Variants in EYA4 observed in about 807,000 individuals in gnomAD.
The protein encoded by EYA4 is EYA transcriptional coactivator and phosphatase 4.
EYA4 carries 31 observed loss-of-function variants against 87.9 expected under a neutral mutation model. The observed-to-expected ratio is 0.35, with a 90% CI of 0.27 to 0.48. The LOEUF is 0.48. Ranked by LOEUF, EYA4 falls within the 20% of genes least tolerant of loss-of-function variation. The pLI is 0.99. For synonymous variants in EYA4, 263 were observed against 270.6 expected, an observed-to-expected ratio of 0.97 and a Z score of 0.28; for missense variants, 678 against 761.4, an observed-to-expected ratio of 0.89 and a Z score of 1.29.
At chr6:133,332,671 G>A (rs1405740839) in intron 2 of EYA4, among the ~76,000 whole-genome samples, 3 of 150,264 alleles carry the variant, frequency 2.0e-5, no homozygotes, top group African/African-American at 4.9e-5. Context: ...AGCCTCCTGA[G>A]TAGCTGGGAC....
chr6:133,459,299 A>G (rs1360686796), intron 6 of EYA4, among the ~76,000 whole-genome samples: 1 of 152,104 alleles, frequency 6.6e-6, no homozygotes, highest in Admixed American at 6.6e-5. Context: ...ACATTATTCT[A>G]ATGATGTTTA....
At chr6:133,374,760 A>T (rs904908188) in intron 2 of EYA4, among the ~76,000 whole-genome samples, 3 of 152,026 alleles carry the variant, frequency 2.0e-5, no homozygotes, top group Admixed American at 1.3e-4. Flanking sequence ...AAGAAAATGG[A>T]GGAATAAATA....
chr6:133,479,233 CTAATT>C (rs1254408342), intron 11 of EYA4, among the ~76,000 whole-genome samples: 6 of 152,046 alleles, frequency 3.9e-5, no homozygotes, highest in Non-Finnish European at 5.9e-5. Flanking sequence ...CATCTAAAGA[CTAATT>C]TAATGCCTAT....
chr6:133,251,253 G>C (rs1774875812), intron 1 of EYA4, among the ~76,000 whole-genome samples: 1 of 152,046 alleles, frequency 6.6e-6, no homozygotes, highest in African/African-American at 2.4e-5. Context: ...TTCCTCAGTT[G>C]CTTTTTTTTC....
At chr6:133,308,800 C>A (rs1437868414) in intron 2 of EYA4, among the ~76,000 whole-genome samples, 1 of 152,088 alleles carries the variant, frequency 6.6e-6, no homozygotes, top group African/African-American at 2.4e-5. Context: ...ATTTTTTTAT[C>A]CAAATTCAAT....
chr6:133,244,828 A>G (rs1249207143), intron 1 of EYA4, among the ~76,000 whole-genome samples: 1 of 152,044 alleles, frequency 6.6e-6, no homozygotes, highest in Non-Finnish European at 1.5e-5. Flanking sequence ...TCATTTTAAC[A>G]TTTTATGCAC....
At chr6:133,312,603 A>G (rs1780315372) in intron 2 of EYA4, among the ~76,000 whole-genome samples, 1 of 152,096 alleles carries the variant, frequency 6.6e-6, no homozygotes. Context: ...GTAGTTAACT[A>G]TTTCTCAGAT....
At chr6:133,388,784 C>A (rs1163397457) in intron 3 of EYA4, among the ~76,000 whole-genome samples, 1 of 152,186 alleles carries the variant, frequency 6.6e-6, no homozygotes, top group Admixed American at 6.5e-5. Context: ...TTCATTCATA[C>A]CGTGTTTATT....
chr6:133,363,696 G>C (rs1040346582), intron 2 of EYA4, among the ~76,000 whole-genome samples: 14 of 151,876 alleles, frequency 9.2e-5, no homozygotes, highest in Non-Finnish European at 1.9e-4. Context: ...AGGATGGTCT[G>C]GATCTTCTGA....
intron 3 of EYA4, among the ~76,000 whole-genome samples, chr6:133,414,601 T>C (rs1339976833): frequency 2.6e-5 from 4 of 152,296 alleles, no homozygotes; most frequent in South Asian, 2.1e-4. Flanking sequence ...TTCAATTCAC[T>C]GGACTTCACC....
At chr6:133,511,327 A>T (rs1020152037) in intron 14 of EYA4, among the ~76,000 whole-genome samples, 16 of 152,092 alleles carry the variant, frequency 1.1e-4, no homozygotes, top group African/African-American at 1.9e-4. Flanking sequence ...GATTTTTTTT[A>T]AAAATTAATT....
chr6:133,434,522 A>G (rs888225713), intron 3 of EYA4, among the ~76,000 whole-genome samples: 56 of 151,992 alleles, frequency 3.7e-4, no homozygotes, highest in African/African-American at 1.3e-3. Flanking sequence ...TCCAGAGGAT[A>G]TTATTATCTC....
intron 3 of EYA4, among the ~76,000 whole-genome samples, chr6:133,437,797 A>G (rs1791838235): frequency 1.3e-5 from 2 of 152,150 alleles, no homozygotes; most frequent in Non-Finnish European, 2.9e-5. Context: ...ATCTTGTGAG[A>G]ACTCACTCAC....
intron 10 of EYA4, among the ~76,000 whole-genome samples, chr6:133,468,095 T>C (rs1165696324): frequency 1.3e-5 from 2 of 152,030 alleles, no homozygotes; most frequent in African/African-American, 4.8e-5. Flanking sequence ...TTATCAGTGG[T>C]AGCCCAGAAA....
chr6:133,281,464 A>G (rs55985820), intron 2 of EYA4, among the ~76,000 whole-genome samples: 6,419 of 152,208 alleles, frequency 0.042, 294 homozygotes, highest in African/African-American at 0.12. Flanking sequence ...TTGACTTTCT[A>G]TATCTGAGTT....
At chr6:133,506,484 G>T (rs1039302350) in intron 14 of EYA4, among the ~76,000 whole-genome samples, 2 of 152,134 alleles carry the variant, frequency 1.3e-5, no homozygotes, top group African/African-American at 4.8e-5. Context: ...TAGTGTTTCA[G>T]CATTAGCTCT....
intron 2 of EYA4, among the ~76,000 whole-genome samples, chr6:133,354,676 G>A (rs9373050): frequency 0.031 from 4,718 of 152,086 alleles, 176 homozygotes; most frequent in East Asian, 0.2. Flanking sequence ...AAGAATTTCC[G>A]TGAAAATTTT....
chr6:133,249,042 G>T (rs1264161906), intron 1 of EYA4, among the ~76,000 whole-genome samples: 3 of 152,114 alleles, frequency 2.0e-5, no homozygotes, highest in Middle Eastern at 6.3e-3. Context: ...GCAAAGTTGT[G>T]GGTACTTGGT....
chr6:133,373,630 G>T (rs2128467133), intron 2 of EYA4, among the ~76,000 whole-genome samples: 1 of 152,026 alleles, frequency 6.6e-6, no homozygotes, highest in Non-Finnish European at 1.5e-5. Context: ...TATTCATTTT[G>T]CTCTTTTTGC....
Sources: gnomAD v4.1 joint callset for allele counts (sites outside exome capture counted in the v4.1 genomes callset) on GRCh38, gnomAD v4.1.1 for gene constraint, MANE v1.5 for transcripts, NCBI Gene and HGNC (gene_info 2026-07-23, HGNC 2026-07-21) for gene names.